TSHR: variants seen among roughly 807,000 people sequenced by gnomAD.
TSHR encodes thyrotropin receptor.
In TSHR, 51 loss-of-function variants were observed where a neutral mutation model predicts 64.1. The ratio of observed to expected loss-of-function variants is 0.80; its 90% CI spans 0.64 to 1.01. TSHR has a LOEUF of 1.01. TSHR is among the 50% of genes least tolerant of loss of function. The pLI is 0.00. For missense variants in TSHR, 877 were observed against 942.8 expected, an observed-to-expected ratio of 0.93 and a Z score of 0.91; for synonymous variants, 361 against 361.9, an observed-to-expected ratio of 1.00 and a Z score of 0.03.
chr14:81,129,514 A>T (rs148906648), intron 8 of TSHR, among the ~76,000 whole-genome samples: 1 of 152,226 alleles, frequency 6.6e-6, no homozygotes, highest in East Asian at 1.9e-4. Flanking sequence ...TTTCACCTTA[A>T]ATCATTCACC....
chr14:81,014,343 A>G (rs765262503), intron 1 of TSHR: 11 of 152,226 alleles, frequency 7.2e-5, no homozygotes, highest in Admixed American at 1.3e-4. Flanking sequence ...GCTAATTCAC[A>G]TGATGCCAAA....
chr14:81,134,940 C>A (rs1224652402), intron 8 of TSHR, among the ~76,000 whole-genome samples: 1 of 152,126 alleles, frequency 6.6e-6, no homozygotes, highest in Non-Finnish European at 1.5e-5. Context: ...AAGAGAAGGT[C>A]TGAGAAGCTT....
chr14:81,106,435 C>T (rs1471188105), intron 7 of TSHR, among the ~76,000 whole-genome samples: 3 of 152,176 alleles, frequency 2.0e-5, no homozygotes, highest in African/African-American at 7.2e-5. Context: ...TCTACTCATT[C>T]ACATATTCAT....
At chr14:81,113,869 C>G (rs1184839220) in intron 8 of TSHR, among the ~76,000 whole-genome samples, 2 of 152,104 alleles carry the variant, frequency 1.3e-5, no homozygotes, top group Non-Finnish European at 2.9e-5. Flanking sequence ...CACAGTCAAG[C>G]ACTACTTCTT....
intron 1 of TSHR, among the ~76,000 whole-genome samples, chr14:81,004,112 A>T (rs554723316): frequency 7.6e-4 from 115 of 152,252 alleles, no homozygotes; most frequent in Middle Eastern, 3.4e-3. Context: ...TGGTTATGAT[A>T]CCCTAAATTG....
At chr14:81,006,711 C>T (rs1384299073) in intron 1 of TSHR, among the ~76,000 whole-genome samples, 1 of 151,940 alleles carries the variant, frequency 6.6e-6, no homozygotes, top group East Asian at 1.9e-4. Flanking sequence ...AATGGGGTTT[C>T]ACCATGTTGC....
At chr14:81,069,578 A>C (rs1445362140) in intron 3 of TSHR, among the ~76,000 whole-genome samples, 1 of 152,210 alleles carries the variant, frequency 6.6e-6, no homozygotes, top group Non-Finnish European at 1.5e-5. Flanking sequence ...TTAAGGGCTA[A>C]GAAACTGACC....
At chr14:81,109,269 C>T (rs1227662700) in intron 8 of TSHR, among the ~76,000 whole-genome samples, 1 of 152,146 alleles carries the variant, frequency 6.6e-6, no homozygotes. Context: ...ATTAGCTGGG[C>T]GTAGTGGCGG....
intron 8 of TSHR, among the ~76,000 whole-genome samples, chr14:81,133,144 TA>T (rs1467239070): frequency 6.6e-6 from 1 of 152,170 alleles, no homozygotes; most frequent in Non-Finnish European, 1.5e-5. Flanking sequence ...CAGTAGTGAT[TA>T]AAAGTTAAAG....
chr14:81,074,248 C>T (rs1429748387), intron 3 of TSHR, among the ~76,000 whole-genome samples: 3 of 152,044 alleles, frequency 2.0e-5, no homozygotes, highest in Non-Finnish European at 4.4e-5. Context: ...GGATAATGCA[C>T]CTTGTATTCT....
chr14:80,963,882 T>C (rs1445040773), intron 1 of TSHR, among the ~76,000 whole-genome samples: 1 of 152,226 alleles, frequency 6.6e-6, no homozygotes, highest in African/African-American at 2.4e-5. Context: ...GGATAGAATG[T>C]CTTGAACCCC....
chr14:81,061,480 T>G (rs915720702), intron 1 of TSHR, among the ~76,000 whole-genome samples: 41 of 152,214 alleles, frequency 2.7e-4, no homozygotes, highest in Admixed American at 2.3e-3. Context: ...AGAACAAGAT[T>G]ATGTCCTTTT....
At chr14:81,112,419 C>T (rs979763174) in intron 8 of TSHR, among the ~76,000 whole-genome samples, 1 of 152,112 alleles carries the variant, frequency 6.6e-6, no homozygotes, top group Non-Finnish European at 1.5e-5. Context: ...TGGGTCCTGG[C>T]TCTTTTTCCT....
intron 8 of TSHR, among the ~76,000 whole-genome samples, chr14:81,127,221 T>G (rs1891053812): frequency 6.6e-6 from 1 of 152,230 alleles, no homozygotes; most frequent in Non-Finnish European, 1.5e-5. Flanking sequence ...TTTTCACTTT[T>G]CTGGGAGTTT....
At chr14:80,995,641 T>TTC (rs1888969623) in intron 1 of TSHR, 1 of 151,656 alleles carries the variant, frequency 6.6e-6, no homozygotes, top group Non-Finnish European at 1.5e-5. Flanking sequence ...AACACATGGG[T>TTC]GCATAGAGGG....
At chr14:81,129,380 C>T (rs563285728) in intron 8 of TSHR, among the ~76,000 whole-genome samples, 43 of 152,318 alleles carry the variant, frequency 2.8e-4, no homozygotes, top group African/African-American at 8.2e-4. Context: ...GACTTGTATA[C>T]GCAGCCAACT....
intron 1 of TSHR, chr14:80,982,073 G>A: frequency 4.0e-6 from 2 of 497,982 alleles, no homozygotes; most frequent in Non-Finnish European, 7.6e-6. Flanking sequence ...AAGAGAGGGA[G>A]GCTACGGGTG....
At chr14:80,978,122 C>CACACACACACACAT (rs1887979108) in intron 1 of TSHR, among the ~76,000 whole-genome samples, 1 of 151,720 alleles carries the variant, frequency 6.6e-6, no homozygotes, top group African/African-American at 2.4e-5. Flanking sequence ...CACACACACA[C>CACACACACACACAT]ACACACACAT....
At chr14:81,059,265 C>G (rs1382000566) in intron 1 of TSHR, among the ~76,000 whole-genome samples, 1 of 152,046 alleles carries the variant, frequency 6.6e-6, no homozygotes, top group African/African-American at 2.4e-5. Flanking sequence ...GAAGAAAACT[C>G]CTTTTAAATG....
Sources: gnomAD v4.1 joint callset for allele counts (sites outside exome capture counted in the v4.1 genomes callset) on GRCh38, gnomAD v4.1.1 for gene constraint, MANE v1.5 for transcripts, NCBI Gene and HGNC (gene_info 2026-07-23, HGNC 2026-07-21) for gene names.